The following DLG3 variants were observed in gnomAD, a reference collection of about 807,000 sequenced individuals.
DLG3 encodes the protein disks large homolog 3.
DLG3 carries 1 observed loss-of-function variant against 64.1 expected under a neutral mutation model. That is an observed-to-expected ratio of 0.02 (90% CI 0.01 to 0.07). The LOEUF (loss-of-function observed/expected upper bound fraction) is 0.07, where lower values mean the gene tolerates loss of function less well. Among genes scored for constraint, DLG3 ranks in the 10% least tolerant of loss-of-function variants. DLG3 has a pLI of 1.00. For missense variants in DLG3, 429 were observed against 669.5 expected (o/e 0.64, Z 3.96); for synonymous variants, 245 against 259.8 (o/e 0.94, Z 0.55).
chrX:70,450,055 G>T, intron 4 of DLG3, 114 bp from the exon 5 acceptor site: 1 of 1,054,620 alleles, frequency 9.5e-7, no homozygotes, highest in South Asian at 2.1e-5. Context: ...ATCCCCCGGG[G>T]GGAGCTCCTG....
chrX:70,470,829 G>A (rs2086957123), intron 9 of DLG3, among the ~76,000 whole-genome samples: 2 of 111,796 alleles, frequency 1.8e-5, no homozygotes, highest in Non-Finnish European at 3.8e-5. Context: ...TTAGAGGAGA[G>A]ACGGACTTGG....
In DLG3 at chrX:70,492,243, G is replaced by A. The variant is rs1000766823; in HGVS notation, c.1657G>A (p.Gly553Arg). The part of the protein sequence containing the change: ...WWQARLVTPH[G>R]ESEQIGVIPS... Reference sequence around the variant, plus strand: ...GCAGGCAAGGCTGGTGACCCCACACGGAGAAAGTGAGCAGATCGGTGTGAT... The same window carrying A: ...GCAGGCAAGGCTGGTGACCCCACACAGAGAAAGTGAGCAGATCGGTGTGAT... The change falls in exon 11 of 19, where the codon GGA becomes AGA. Residue 553 changes from glycine to arginine, a missense_variant. Around this residue, in one of 9 missense-constraint regions of DLG3, gnomAD observed 25 missense variants for 83.7 expected, o/e 0.30. Transcript: ENST00000374360. 8.3e-7 allele frequency: 1 copy of A among 1,211,608 alleles called. No homozygotes were observed.
chrX:70,498,163 C>G (rs762123324), intron 13 of DLG3, among the ~76,000 whole-genome samples: 41 of 112,532 alleles, frequency 3.6e-4, no homozygotes, highest in African/African-American at 1.3e-3. Flanking sequence ...GCATCTCAAC[C>G]AGTCAAAGTG....
rs1043878151 is a variant in DLG3, at chrX:70,500,600, C to T, written c.2255+20C>T. ...CCTTATGTAAGTGTTGAACTGAGAA[C>T]TCAGACACACCAAGCTAAGATCGGG... On this transcript the variant is annotated intron_variant, in intron 17 of 18. Coordinates refer to ENST00000374360, the MANE Select transcript of DLG3 (RefSeq NM_021120.4). 7.4e-6 allele frequency: 8 copies of T among 1,087,522 alleles called. No homozygotes were observed. The highest frequency in any genetic ancestry group is 1.0e-5 in the Non-Finnish European group (8 of 783,597). 89.6% of individuals were successfully genotyped at this position (1,087,522 alleles called of 1,213,427 possible).
intron 13 of DLG3, 23 bp from the exon 14 acceptor site, chrX:70,498,497 C>G (rs2087495811): frequency 8.3e-7 from 1 of 1,204,300 alleles, no homozygotes; most frequent in African/African-American, 1.7e-5. Flanking sequence ...ATGGTGCTAA[C>G]CTATCTCTCT....
intron 9 of DLG3, among the ~76,000 whole-genome samples, chrX:70,468,713 G>A (rs2086923192): frequency 9.0e-6 from 1 of 111,445 alleles, no homozygotes; most frequent in Non-Finnish European, 1.9e-5. Flanking sequence ...CCATATTTCT[G>A]CCCTCTCACA....
At chrX:70,450,850 T>G (rs2086609949) in intron 6 of DLG3, 67 bp downstream of exon 6, 1 of 1,177,875 alleles carries the variant, frequency 8.5e-7, no homozygotes, top group South Asian at 1.8e-5. Flanking sequence ...GGGGAAGAAG[T>G]TCATACCCTT....
intron 9 of DLG3, among the ~76,000 whole-genome samples, chrX:70,464,318 AATGGTGTG>A (rs2086853478): frequency 9.3e-6 from 1 of 106,961 alleles, no homozygotes; most frequent in East Asian, 2.9e-4. Flanking sequence ...GCTGGAGTGC[AATGGTGTG>A]ATCATGGCTC....
At chrX:70,473,621 TCTCA>T (rs1396550251) in intron 9 of DLG3, among the ~76,000 whole-genome samples, 1 of 111,048 alleles carries the variant, frequency 9.0e-6, no homozygotes, top group Non-Finnish European at 1.9e-5. Context: ...AGAGACAGCA[TCTCA>T]CTCTGTCACC....
At chrX:70,489,484 G>A (rs1281466566) in intron 10 of DLG3, among the ~76,000 whole-genome samples, 1 of 110,342 alleles carries the variant, frequency 9.1e-6, no homozygotes, top group Non-Finnish European at 1.9e-5. Flanking sequence ...TATATTTTTA[G>A]TAGAGACGGG....
At chrX:70,472,206 T>G in intron 9 of DLG3, among the ~76,000 whole-genome samples, 1 of 111,961 alleles carries the variant, frequency 8.9e-6, no homozygotes, top group Non-Finnish European at 1.9e-5. Flanking sequence ...TGTTTTATGC[T>G]GTTTTAGACA....
chrX:70,461,169 A>G (rs888900476), intron 9 of DLG3, among the ~76,000 whole-genome samples: 3 of 111,841 alleles, frequency 2.7e-5, no homozygotes, highest in South Asian at 3.7e-4. Context: ...GCAACATTTT[A>G]CATTCCCACC....
chrX:70,483,056 G>A (rs144682563), intron 10 of DLG3, among the ~76,000 whole-genome samples: 1,917 of 110,995 alleles, frequency 0.017, 18 homozygotes, highest in Non-Finnish European at 0.026. Flanking sequence ...CAAGATAGGA[G>A]GATTGCTTGA....
chrX:70,492,485 T>G (rs2087375971), intron 11 of DLG3, 36 bp from the exon 12 acceptor site: 1 of 1,190,376 alleles, frequency 8.4e-7, no homozygotes, highest in African/African-American at 1.8e-5. Flanking sequence ...GACCATTTAC[T>G]GGCAGTAACA....
chrX:70,500,710 T>TC, intron 17 of DLG3, 130 bp downstream of exon 17: 3 of 700,625 alleles, frequency 4.3e-6, no homozygotes, highest in Non-Finnish European at 6.7e-6. Context: ...CACTGGGCGC[T>TC]CCTGTTTTGA....
intron 11 of DLG3, 37 bp from the exon 12 acceptor site, chrX:70,492,484 C>T (rs762346691): frequency 2.4e-5 from 29 of 1,187,317 alleles, no homozygotes; most frequent in Non-Finnish European, 3.3e-5. Context: ...AGACCATTTA[C>T]TGGCAGTAAC....
At chrX:70,486,141 T>C (rs934686652) in intron 10 of DLG3, among the ~76,000 whole-genome samples, 1 of 110,708 alleles carries the variant, frequency 9.0e-6, no homozygotes, top group Non-Finnish European at 1.9e-5. Context: ...TGTTTTTACA[T>C]GTCACATTTT....
At chrX:70,493,340 T>G (rs774727338) in intron 12 of DLG3, 5 of 1,134,952 alleles carry the variant, frequency 4.4e-6, no homozygotes, top group Non-Finnish European at 4.8e-6. Context: ...TTTTTTTTCT[T>G]CTGTCCTTCC....
chrX:70,481,906 C>T (rs1469285240), intron 10 of DLG3, among the ~76,000 whole-genome samples: 2 of 112,229 alleles, frequency 1.8e-5, no homozygotes, highest in African/African-American at 3.2e-5. Flanking sequence ...TTTATTTTCA[C>T]AGCTTCAAAT....
Sources: allele counts gnomAD v4.1 joint callset (sites outside exome capture counted in the v4.1 genomes callset), GRCh38; gene constraint gnomAD v4.1.1; regional missense constraint gnomAD v4.1.1; transcripts MANE v1.5; gene names NCBI Gene and HGNC (gene_info 2026-07-23, HGNC 2026-07-21).